The following RAP1GDS1 variants were observed in gnomAD, a reference collection of about 807,000 sequenced individuals.
RAP1GDS1 encodes Rap1 GTPase-GDP dissociation stimulator 1, also known as RAP1, GTP-GDP dissociation stimulator 1.
RAP1GDS1 carries 35 observed loss-of-function variants against 71.1 expected under a neutral mutation model. The observed-to-expected ratio is 0.49, with a 90% CI of 0.38 to 0.65. The LOEUF is 0.65. RAP1GDS1 is among the 30% of genes least tolerant of loss of function. RAP1GDS1 has a pLI of 0.00. For synonymous variants in RAP1GDS1, 229 were observed against 243.1 expected (o/e 0.94, Z 0.54); for missense variants, 663 against 706.1 (o/e 0.94, Z 0.69).
intron 1 of RAP1GDS1, among the ~76,000 whole-genome samples, chr4:98,271,092 G>C (rs1034282995): frequency 6.6e-6 from 1 of 152,120 alleles, no homozygotes; most frequent in Non-Finnish European, 1.5e-5. Context: ...AAAGTTATGT[G>C]TGGATTTTTG....
chr4:98,338,172 G>A (rs1218091889), intron 2 of RAP1GDS1, among the ~76,000 whole-genome samples: 1 of 152,126 alleles, frequency 6.6e-6, no homozygotes, highest in Non-Finnish European at 1.5e-5. Flanking sequence ...CTGATTAAAT[G>A]TGGGGGTAGG....
At chr4:98,407,656 T>C (rs961589409) in intron 7 of RAP1GDS1, among the ~76,000 whole-genome samples, 1 of 152,114 alleles carries the variant, frequency 6.6e-6, no homozygotes, top group Non-Finnish European at 1.5e-5. Flanking sequence ...GTGGATAGAA[T>C]GGACTTTGGA....
chr4:98,280,758 C>T (rs1438094810), intron 1 of RAP1GDS1, among the ~76,000 whole-genome samples: 1 of 152,138 alleles, frequency 6.6e-6, no homozygotes, highest in African/African-American at 2.4e-5. Context: ...ACATTTAAGT[C>T]TTTAATCCAT....
chr4:98,264,875 G>T (rs895492886), intron 1 of RAP1GDS1, among the ~76,000 whole-genome samples: 1 of 152,136 alleles, frequency 6.6e-6, no homozygotes, highest in African/African-American at 2.4e-5. Flanking sequence ...GAATTTCCAG[G>T]ATATGATTAA....
intron 7 of RAP1GDS1, among the ~76,000 whole-genome samples, chr4:98,410,497 A>T (rs962090674): frequency 7.2e-5 from 11 of 152,192 alleles, no homozygotes; most frequent in Non-Finnish European, 1.6e-4. Context: ...AGATCCAACA[A>T]TTCTGCTCTT....
At chr4:98,403,304 C>T (rs540111994) in intron 6 of RAP1GDS1, among the ~76,000 whole-genome samples, 2 of 152,142 alleles carry the variant, frequency 1.3e-5, no homozygotes, top group South Asian at 4.2e-4. Flanking sequence ...TTAATGCAAC[C>T]AAAGACATTG....
chr4:98,290,161 A>C (rs182905377), intron 1 of RAP1GDS1, among the ~76,000 whole-genome samples: 1 of 152,162 alleles, frequency 6.6e-6, no homozygotes. Context: ...ACTTACTGGC[A>C]TATAGTAAAG....
At chr4:98,420,983 A>C (rs551751123) in intron 11 of RAP1GDS1, among the ~76,000 whole-genome samples, 30 of 152,310 alleles carry the variant, frequency 2.0e-4, no homozygotes, top group Non-Finnish European at 3.4e-4. Flanking sequence ...CTTTCTAAGA[A>C]CCCTGCATTA....
intron 2 of RAP1GDS1, among the ~76,000 whole-genome samples, chr4:98,298,302 A>T (rs925978175): frequency 6.6e-6 from 1 of 152,194 alleles, no homozygotes; most frequent in Non-Finnish European, 1.5e-5. Flanking sequence ...AGGCTGTGCT[A>T]AACAACAGAT....
rs1406873675 is a variant in RAP1GDS1 at position 98,352,523 on chromosome 4, G to C, written c.283G>C (p.Val95Leu). The change falls in exon 4 of 15, where the codon GTG (valine) becomes CTG (leucine). Residue 95 changes from valine to leucine, a missense_variant. By Grantham distance (32) the Val-to-Leu change is conservative. Transcript: ENST00000408927. ...GGATGCTGGATTGATTTCACCACTG[G>C]TGCAGCTGCTAAATAGCAAAGACCA... ...CVDAGLISPLVQLLNSKDQEV... is the reference protein window; with the variant it reads ...CVDAGLISPLLQLLNSKDQEV... The C allele has an allele frequency of 1.2e-6, 2 of 1,613,886 alleles. No individual in the cohort carries two copies. The highest frequency in any genetic ancestry group is 2.2e-5 in the South Asian group (2 of 91,064).
chr4:98,381,910 T>A (rs1030257747), intron 5 of RAP1GDS1, among the ~76,000 whole-genome samples: 1 of 151,578 alleles, frequency 6.6e-6, no homozygotes, highest in Non-Finnish European at 1.5e-5. Context: ...TTCAAATTAT[T>A]TATTAGTCTC....
At chr4:98,278,522 A>G (rs556386891) in intron 1 of RAP1GDS1, among the ~76,000 whole-genome samples, 2 of 152,224 alleles carry the variant, frequency 1.3e-5, no homozygotes, top group Non-Finnish European at 2.9e-5. Context: ...TGATCTATAT[A>G]GTCACTAATC....
chr4:98,363,521 A>G (rs2110447828), intron 4 of RAP1GDS1, among the ~76,000 whole-genome samples: 1 of 151,314 alleles, frequency 6.6e-6, no homozygotes, highest in South Asian at 2.1e-4. Context: ...GTAATTGTAA[A>G]GCCCTGAGAG....
intron 14 of RAP1GDS1, among the ~76,000 whole-genome samples, chr4:98,438,590 C>CTTTT (rs1185496995): frequency 0.01 from 640 of 62,556 alleles, 70 homozygotes; most frequent in African/African-American, 0.045. Context: ...ATATATATAT[C>CTTTT]TTTTTTTTTT....
chr4:98,432,523 G>A (rs761779095), intron 12 of RAP1GDS1, among the ~76,000 whole-genome samples: 5 of 152,140 alleles, frequency 3.3e-5, no homozygotes, highest in Non-Finnish European at 7.4e-5. Context: ...CCAGAACACA[G>A]CTACCATAAA....
At chr4:98,407,746 G>A (rs1746360254) in intron 7 of RAP1GDS1, among the ~76,000 whole-genome samples, 1 of 152,030 alleles carries the variant, frequency 6.6e-6, no homozygotes, top group African/African-American at 2.4e-5. Context: ...TCAGATGACA[G>A]ATGACCTAAA....
In RAP1GDS1 at chr4:98,428,060, T is replaced by TA. The variant is rs367846692; in HGVS notation, c.1441-5875dup. Reference sequence around the variant, plus strand: ...GAACCGAGTAATAACCCCAAATACTTACAGCCAACTGATCTTTGACAAAGC... The same window carrying TA: ...GAACCGAGTAATAACCCCAAATACTTAACAGCCAACTGATCTTTGACAAAGC... On this transcript the variant is annotated intron_variant, in intron 12 of 14. Transcript: ENST00000408927. 3.8e-3 allele frequency among the ~76,000 whole-genome samples: 584 copies of TA among 152,102 alleles called. 6 individuals are homozygous for TA. The highest frequency in any genetic ancestry group is 0.013 in the African/African-American group (559 of 41,482).
chr4:98,410,194 A>T (rs1338314072), intron 7 of RAP1GDS1, among the ~76,000 whole-genome samples: 1 of 152,114 alleles, frequency 6.6e-6, no homozygotes, highest in Admixed American at 6.6e-5. Flanking sequence ...TATAATTATA[A>T]CATATAACTG....
At chr4:98,412,295 T>C (rs1215394003) in intron 7 of RAP1GDS1, among the ~76,000 whole-genome samples, 1 of 152,160 alleles carries the variant, frequency 6.6e-6, no homozygotes, top group African/African-American at 2.4e-5. Flanking sequence ...GGAAGATTGC[T>C]TGAGGCCATG....
Sources: gnomAD v4.1 joint callset for allele counts (sites outside exome capture counted in the v4.1 genomes callset) on GRCh38, gnomAD v4.1.1 for gene constraint, MANE v1.5 for transcripts, NCBI Gene and HGNC (gene_info 2026-07-23, HGNC 2026-07-21) for gene names.